ACSL5: variants seen among roughly 807,000 people sequenced by gnomAD.
ACSL5 encodes the protein long-chain-fatty-acid--CoA ligase 5.
A neutral mutation model predicts 84.9 loss-of-function variants in ACSL5; 50 were observed. The ratio of observed to expected loss-of-function variants is 0.59; its 90% CI spans 0.47 to 0.75. The LOEUF (loss-of-function observed/expected upper bound fraction) is 0.75. Among genes scored for constraint, ACSL5 ranks in the 30% least tolerant of loss-of-function variants. The probability of loss-of-function intolerance (pLI) is 0.00; values close to 1 mark genes in which losing one functional copy is unlikely to be tolerated. For missense variants in ACSL5, 775 were observed against 830.4 expected, an observed-to-expected ratio of 0.93 and a Z score of 0.82; for synonymous variants, 280 against 300.7, an observed-to-expected ratio of 0.93 and a Z score of 0.71.
intron 20 of ACSL5, among the ~76,000 whole-genome samples, 160 bp from the exon 21 acceptor site, chr10:112,427,058 C>G (rs1844754360): frequency 6.6e-6 from 1 of 152,198 alleles, no homozygotes; most frequent in African/African-American, 2.4e-5. Flanking sequence ...TCTCCCTACT[C>G]ATTACTTTCT....
chr10:112,380,491 C>A (rs1423851753), intron 1 of ACSL5, among the ~76,000 whole-genome samples: 1 of 142,634 alleles, frequency 7.0e-6, no homozygotes, highest in Non-Finnish European at 1.5e-5. Context: ...TAAAGATGGA[C>A]CCTCCACCTC....
chr10:112,403,811 C>T (rs549806142), intron 3 of ACSL5, among the ~76,000 whole-genome samples: 8 of 152,168 alleles, frequency 5.3e-5, no homozygotes, highest in Non-Finnish European at 4.4e-5. Flanking sequence ...AAATATTTAG[C>T]GTAATTTAAA....
chr10:112,413,217 G>A lies in ACSL5; in HGVS notation c.993G>A (p.Gly331=), dbSNP rs2133637369. Residue 331 remains glycine, a synonymous_variant, in exon 12 of 21, where the codon GGG becomes GGA. Coordinates refer to ENST00000354655, the MANE Select transcript of ACSL5 (RefSeq NM_203379.2). ...SCGARVGFFQ[G]DIRLLADDMK... ...GAGCCAGAGTTGGATTCTTCCAAGG[G>A]GATATTCGGTTGCTGGCTGACGACA... 1 of 1,614,176 alleles carries A rather than the reference G, an allele frequency of 6.2e-7. No homozygotes were observed. Among genetic ancestry groups the A allele is most frequent in the Non-Finnish European group, 8.5e-7 (1 of 1,180,026 alleles).
chr10:112,399,287 A>G (rs1843820194), intron 3 of ACSL5, among the ~76,000 whole-genome samples: 1 of 152,206 alleles, frequency 6.6e-6, no homozygotes, highest in Non-Finnish European at 1.5e-5. Flanking sequence ...TCAACACAAG[A>G]AGAACGTCCC....
At chr10:112,392,689 C>T (rs1455170984) in intron 1 of ACSL5, among the ~76,000 whole-genome samples, 2 of 148,748 alleles carry the variant, frequency 1.3e-5, no homozygotes, top group East Asian at 4.0e-4. Context: ...TGCAGTGAGT[C>T]GAGATTGTAC....
chr10:112,411,625 C>T (rs200230542), intron 10 of ACSL5, 96 bp downstream of exon 10: 218 of 792,968 alleles, frequency 2.7e-4, no homozygotes, highest in Non-Finnish European at 3.4e-4. Flanking sequence ...CACACACACA[C>T]ATACACACAC....
chr10:112,379,630 C>T (rs965098348), intron 1 of ACSL5, among the ~76,000 whole-genome samples: 1 of 152,182 alleles, frequency 6.6e-6, no homozygotes. Context: ...ACCAACTGTT[C>T]TACACACAGC....
intron 12 of ACSL5, among the ~76,000 whole-genome samples, 158 bp from the exon 13 acceptor site, chr10:112,416,730 A>G (rs1485420837): frequency 1.3e-5 from 2 of 152,082 alleles, no homozygotes; most frequent in African/African-American, 2.4e-5. Flanking sequence ...GCATGGCCAT[A>G]ATTCTCTGGG....
chr10:112,404,684 C>T, intron 4 of ACSL5, 21 bp from the exon 5 acceptor site: 1 of 1,608,982 alleles, frequency 6.2e-7, no homozygotes, highest in Non-Finnish European at 8.5e-7. Flanking sequence ...CTCTCTCTCA[C>T]CCCATCTCTC....
chr10:112,400,598 G>T (rs563019965), intron 3 of ACSL5, among the ~76,000 whole-genome samples: 1 of 151,812 alleles, frequency 6.6e-6, no homozygotes, highest in African/African-American at 2.4e-5. Flanking sequence ...TAGTAGAGAT[G>T]GGGTTTCACC....
At chr10:112,412,052 C>A in intron 11 of ACSL5, 73 bp downstream of exon 11, 1 of 1,409,742 alleles carries the variant, frequency 7.1e-7, no homozygotes, top group South Asian at 1.2e-5. Context: ...ATTCCAAAGG[C>A]AGCTACACAG....
chr10:112,426,434 G>C, intron 19 of ACSL5, 75 bp downstream of exon 19: 2 of 1,278,986 alleles, frequency 1.6e-6, no homozygotes, highest in Non-Finnish European at 1.1e-6. Flanking sequence ...ACCAGTTCCT[G>C]CATCTGTCAC....
rs748066668 is a variant in ACSL5, at chr10:112,410,568, G to C, written c.745-16G>C. On this transcript the variant is annotated splice_polypyrimidine_tract_variant and intron_variant, in intron 8 of 20. Transcript: ENST00000354655. ...AAAGTTCATGGTGGAATAAGCCCTT[G>C]TGCTTCCTCCTCCAGCCTCCTAGCC... is the stretch of plus-strand genomic sequence containing the variant. 1 of 1,614,142 alleles carries C rather than the reference G, an allele frequency of 6.2e-7. No individual in the cohort carries two copies. Among genetic ancestry groups the C allele is most frequent in the Admixed American group, 1.7e-5 (1 of 60,008 alleles).
chr10:112,407,460 G>A (rs1844067533), intron 5 of ACSL5, among the ~76,000 whole-genome samples: 1 of 152,066 alleles, frequency 6.6e-6, no homozygotes, highest in African/African-American at 2.4e-5. Context: ...TTGACCTCGT[G>A]ATCTTCCCAT....
intron 14 of ACSL5, among the ~76,000 whole-genome samples, chr10:112,418,609 G>C (rs1844377551): frequency 6.6e-6 from 1 of 151,738 alleles, no homozygotes; most frequent in Non-Finnish European, 1.5e-5. Context: ...AAAAATACTT[G>C]ACTCCCCAAA....
intron 3 of ACSL5, among the ~76,000 whole-genome samples, chr10:112,401,786 CTCTTTCTTTCTTTCTTTCTTTCTT>C (rs1178224793): frequency 4.3e-4 from 51 of 119,500 alleles, no homozygotes; most frequent in African/African-American, 1.8e-3. Context: ...TTCTTTCTTT[CTCTTTCTTTCTTTCTTTCTTTCTT>C]TCTTTCTTTC....
intron 3 of ACSL5, among the ~76,000 whole-genome samples, chr10:112,402,533 A>G (rs1843933095): frequency 6.6e-6 from 1 of 152,222 alleles, no homozygotes; most frequent in Admixed American, 6.5e-5. Context: ...GCCATGCTTC[A>G]GGGAAAGTTA....
chr10:112,396,960 T>G (rs1404361103), intron 2 of ACSL5, among the ~76,000 whole-genome samples: 3 of 152,226 alleles, frequency 2.0e-5, no homozygotes, highest in East Asian at 1.9e-4. Context: ...TGTGTTTTCC[T>G]GTACTTTTAT....
intron 14 of ACSL5, chr10:112,419,304 C>T (rs1239149889): frequency 1.3e-5 from 2 of 152,262 alleles, no homozygotes; most frequent in East Asian, 3.9e-4. Flanking sequence ...CTTTTATTTA[C>T]ACCAAACATC....
Sources: allele counts gnomAD v4.1 joint callset (sites outside exome capture counted in the v4.1 genomes callset), GRCh38; gene constraint gnomAD v4.1.1; transcripts MANE v1.5; gene names NCBI Gene and HGNC (gene_info 2026-07-23, HGNC 2026-07-21).